Variants in SP3 observed in about 807,000 individuals in gnomAD.
SP3 encodes the protein Sp3 transcription factor.
A neutral mutation model predicts 70.3 loss-of-function variants in SP3; 10 were observed. The ratio of observed to expected loss-of-function variants is 0.14; its 90% confidence interval spans 0.09 to 0.24. The LOEUF is 0.24. Ranked by LOEUF, SP3 falls within the 10% of genes least tolerant of loss-of-function variation. SP3 has a pLI of 1.00. For missense variants in SP3, 825 were observed against 914.6 expected, an observed-to-expected ratio of 0.90 and a Z score of 1.26; for synonymous variants, 402 against 333.5, an observed-to-expected ratio of 1.21 and a Z score of -2.24.
intron 4 of SP3, among the ~76,000 whole-genome samples, chr2:173,936,891 C>CT (rs905754765): frequency 1.3e-5 from 2 of 151,796 alleles, no homozygotes; most frequent in Non-Finnish European, 2.9e-5. Flanking sequence ...TCTCTCTTCT[C>CT]TATTAGGTCT....
At chr2:173,956,698 C>A (rs1690905093) in intron 3 of SP3, among the ~76,000 whole-genome samples, 1 of 152,170 alleles carries the variant, frequency 6.6e-6, no homozygotes, top group Non-Finnish European at 1.5e-5. Context: ...CATCTATTAA[C>A]ATACTCTAAA....
chr2:173,925,379 T>C (rs1006317970), intron 4 of SP3, among the ~76,000 whole-genome samples: 1 of 152,036 alleles, frequency 6.6e-6, no homozygotes, highest in Non-Finnish European at 1.5e-5. Context: ...GTCAAAATCA[T>C]ACAAACAGCA....
upstream of SP3, chr2:173,965,437 G>A: frequency 4.0e-6 from 2 of 505,242 alleles, no homozygotes; most frequent in East Asian, 3.6e-5. Context: ...TTTGTCGGCT[G>A]TGCTCATTGG....
intron 4 of SP3, among the ~76,000 whole-genome samples, chr2:173,931,635 C>T (rs1018389218): frequency 6.6e-6 from 1 of 152,172 alleles, no homozygotes; most frequent in African/African-American, 2.4e-5. Flanking sequence ...AGCCACCACG[C>T]CCAGCCGGAA....
intron 5 of SP3, among the ~76,000 whole-genome samples, chr2:173,917,692 G>A (rs1479098731): frequency 6.6e-6 from 1 of 151,914 alleles, no homozygotes; most frequent in Non-Finnish European, 1.5e-5. Flanking sequence ...AAGGGATTTG[G>A]TTAAGTATGG....
At position 173,904,083 on chromosome 2, in the gene SP3, C is replaced by T. The variant is rs535383756; in HGVS notation, c.*5858G>A. 3.4e-4 allele frequency among the ~76,000 whole-genome samples: 51 copies of T among 152,234 alleles called. No individual in the cohort carries two copies. Among genetic ancestry groups the T allele is most frequent in the African/African-American group, 1.2e-3 (51 of 41,538 alleles). On this transcript the variant is annotated 3_prime_UTR_variant, in exon 7 of 7. Transcript: ENST00000310015. ...CTCTTAAGGAGGGCACTACCTAGAT[C>T]CCTCGCATGCGGGGTTCACAACGGG...
intron 5 of SP3, chr2:173,914,833 T>C (rs1689583028): frequency 6.6e-6 from 1 of 152,186 alleles, no homozygotes; most frequent in Admixed American, 6.5e-5. Context: ...CCAATATTGA[T>C]TCCATTTAAT....
rs575592211 is a variant in SP3, at chr2:173,946,121, G to A, written c.1639+8752C>T. Among the ~76,000 whole-genome samples the A allele has an allele frequency of 9.6e-4, 146 of 151,532 alleles. 1 individual carries two copies. The highest frequency in any genetic ancestry group is 3.2e-3 in the African/African-American group (131 of 41,272). ...CAGCCTGGGTGACAGAGCAAGATAC[G>A]GTCTCAAAAATAATAATAAATTGAT... On this transcript the variant is annotated intron_variant, in intron 4 of 6. Coordinates refer to ENST00000310015, the MANE Select transcript of SP3 (RefSeq NM_003111.5).
At chr2:173,959,739 G>A (rs1226512113) in intron 3 of SP3, among the ~76,000 whole-genome samples, 1 of 152,140 alleles carries the variant, frequency 6.6e-6, no homozygotes, top group Non-Finnish European at 1.5e-5. Flanking sequence ...GAGTGACAGG[G>A]CGAGACTCAG....
chr2:173,933,927 A>G (rs1690143240), intron 4 of SP3, among the ~76,000 whole-genome samples: 1 of 151,956 alleles, frequency 6.6e-6, no homozygotes, highest in Admixed American at 6.6e-5. Context: ...GATTTAATAA[A>G]AGCAAATGAA....
At position 173,963,780 on chromosome 2, in the gene SP3, G is replaced by A. The variant is rs749699896; in HGVS notation, c.260C>T (p.Ala87Val). The A allele has an allele frequency of 1.2e-4, 161 of 1,363,878 alleles. No homozygotes were observed. The highest frequency in any genetic ancestry group is 1.5e-4 in the Non-Finnish European group (154 of 1,041,872). 84.5% of individuals were successfully genotyped at this position (1,363,878 alleles called of 1,614,324 possible). A position where few individuals can be genotyped will look rare whatever the true frequency, so the allele number is the denominator to read the frequency against. ...ACTTACCGCTCCGGCGGCGGCGGGG[G>A]CCCCGGCTGCGGCGGCCGCCTCCTC... ...DEEEAAAAAG[A>V]PAAAGATGDL... is the part of the protein sequence containing the mutation. Residue 87 changes from alanine (A) to valine (V), a missense_variant, in exon 3 of 7, where the codon GCC becomes GTC. Physicochemically the swap from Ala to Val is moderately conservative, Grantham distance 64 (BLOSUM62 0). This residue lies in a region of SP3 where 678 missense variants were observed against 651.6 expected (regional missense o/e 1.04). Coordinates refer to ENST00000310015, the MANE Select transcript of SP3 (RefSeq NM_003111.5).
chr2:173,939,249 A>AC (rs1314413127), intron 4 of SP3, among the ~76,000 whole-genome samples: 1 of 152,220 alleles, frequency 6.6e-6, no homozygotes, highest in Admixed American at 6.5e-5. Context: ...TAAAGACTTT[A>AC]CAGAAAGCAA....
At chr2:173,922,618 A>AC (rs1227618372) in intron 4 of SP3, among the ~76,000 whole-genome samples, 1 of 151,984 alleles carries the variant, frequency 6.6e-6, no homozygotes, top group Non-Finnish European at 1.5e-5. Flanking sequence ...AGCATAGGGG[A>AC]CTGAGAGTGC....
chr2:173,922,779 T>C (rs1689793667), intron 4 of SP3, among the ~76,000 whole-genome samples: 1 of 152,196 alleles, frequency 6.6e-6, no homozygotes, highest in African/African-American at 2.4e-5. Context: ...ACTGGTGATC[T>C]TGACAAGAAC....
rs921873917 is a variant in SP3 at position 173,904,178 on chromosome 2, C to T, written c.*5763G>A. 1.3e-5 allele frequency among the ~76,000 whole-genome samples: 2 copies of T among 152,138 alleles called. No homozygotes were observed. Among genetic ancestry groups the T allele is most frequent in the Admixed American group, 6.5e-5 (1 of 15,282 alleles). ...GAGGCAGAGCTCAGGCAGGAATGCT[C>T]GCTTACCTCCTGCTGTATGGCCTGG... On this transcript the variant is annotated 3_prime_UTR_variant, in exon 7 of 7. Transcript: ENST00000310015.
intron 4 of SP3, among the ~76,000 whole-genome samples, chr2:173,926,818 A>C (rs1205681847): frequency 6.6e-6 from 1 of 152,224 alleles, no homozygotes; most frequent in Non-Finnish European, 1.5e-5. Flanking sequence ...TTCTAAAAAA[A>C]ATAGCCATGA....
rs1200681969 is a variant in SP3, at chr2:173,963,897, G to A, written c.157-14C>T. The A allele has an allele frequency of 2.0e-6, 3 of 1,478,364 alleles. No individual in the cohort carries two copies. The highest frequency in any genetic ancestry group is 2.9e-5 in the African/African-American group (2 of 68,458). The allele number at this position is 1,478,364 out of a possible 1,614,324, so 91.6% of individuals were successfully genotyped here. A position where few individuals can be genotyped will look rare whatever the true frequency, so the allele number is the denominator to read the frequency against. On this transcript the variant is annotated splice_polypyrimidine_tract_variant and intron_variant, in intron 2 of 6. Coordinates refer to ENST00000310015, the MANE Select transcript of SP3 (RefSeq NM_003111.5). ...CGGCTGAGTGTCCTACCCCCAATGG[G>A]CGGGTTCAGAGAGGGAGACAGGGGG...
chr2:173,927,746 T>C (rs72911156), intron 4 of SP3, among the ~76,000 whole-genome samples: 11,399 of 152,264 alleles, frequency 0.075, 658 homozygotes, highest in African/African-American at 0.15. Context: ...ATTATTTGTG[T>C]ATCGCTTTAA....
chr2:173,957,720 T>C (rs1690941473), intron 3 of SP3, among the ~76,000 whole-genome samples: 1 of 152,114 alleles, frequency 6.6e-6, no homozygotes, highest in Admixed American at 6.5e-5. Context: ...TGCAATCACA[T>C]CTGTGTCTTA....
Sources: gnomAD v4.1 joint callset for allele counts (sites outside exome capture counted in the v4.1 genomes callset) on GRCh38, gnomAD v4.1.1 for gene constraint, gnomAD v4.1.1 regional missense constraint, MANE v1.5 for transcripts, NCBI Gene and HGNC (gene_info 2026-07-23, HGNC 2026-07-21) for gene names.